NCALD: variants seen among roughly 807,000 people sequenced by gnomAD.
NCALD encodes the protein neurocalcin delta, also known as neurocalcin-delta.
A neutral mutation model predicts 18.6 loss-of-function variants in NCALD; 10 were observed. That is an observed-to-expected ratio of 0.54 (90% confidence interval 0.33 to 0.91). NCALD has a LOEUF of 0.91. NCALD is among the 40% of genes least tolerant of loss of function. The probability of loss-of-function intolerance (pLI) is 0.03; values close to 1 mark genes in which losing one functional copy is unlikely to be tolerated. For synonymous variants in NCALD, 88 were observed against 87.4 expected, an observed-to-expected ratio of 1.01 and a Z score of -0.04; for missense variants, 184 against 247.6, an observed-to-expected ratio of 0.74 and a Z score of 1.72.
chr8:101,767,141 T>C (rs2130871023), intron 1 of NCALD, among the ~76,000 whole-genome samples: 1 of 152,262 alleles, frequency 6.6e-6, no homozygotes, highest in Non-Finnish European at 1.5e-5. Flanking sequence ...ACTTACAATC[T>C]CTGTAAGTTT....
At chr8:101,849,708 A>T (rs1815014221) in intron 4 of NCALD, among the ~76,000 whole-genome samples, 1 of 152,188 alleles carries the variant, frequency 6.6e-6, no homozygotes, top group African/African-American at 2.4e-5. Context: ...CTGTGATGGA[A>T]AGAATCATTC....
chr8:102,049,512 G>C (rs957023199), intron 1 of NCALD, among the ~76,000 whole-genome samples: 1 of 152,156 alleles, frequency 6.6e-6, no homozygotes, highest in African/African-American at 2.4e-5. Context: ...TCATGAGCAG[G>C]CTTTTTAATA....
intron 1 of NCALD, among the ~76,000 whole-genome samples, chr8:101,781,998 A>C (rs1812032877): frequency 7.0e-6 from 1 of 142,834 alleles, no homozygotes; most frequent in African/African-American, 2.7e-5. Flanking sequence ...AACACAACCT[A>C]ATTTTTCATT....
chr8:101,899,464 A>G (rs1439106692), intron 3 of NCALD, among the ~76,000 whole-genome samples: 2 of 151,876 alleles, frequency 1.3e-5, no homozygotes, highest in Non-Finnish European at 2.9e-5. Context: ...TCCTTACCTG[A>G]TCTTATGGAG....
intron 1 of NCALD, among the ~76,000 whole-genome samples, chr8:102,105,283 T>C (rs1825409242): frequency 1.3e-5 from 2 of 152,200 alleles, no homozygotes; most frequent in African/African-American, 4.8e-5. Flanking sequence ...TTTATCACAG[T>C]ATAAAATGAG....
intron 2 of NCALD, among the ~76,000 whole-genome samples, chr8:102,018,570 T>C (rs1276638749): frequency 1.3e-5 from 2 of 152,200 alleles, no homozygotes; most frequent in Non-Finnish European, 2.9e-5. Flanking sequence ...AGATTGTGGT[T>C]GTCAAGGGCT....
At chr8:102,012,006 G>A (rs1821920010) in intron 2 of NCALD, among the ~76,000 whole-genome samples, 1 of 152,156 alleles carries the variant, frequency 6.6e-6, no homozygotes, top group African/African-American at 2.4e-5. Context: ...TCTCATTTCA[G>A]GGAGAAGAAA....
At chr8:102,007,219 G>A (rs918443450) in intron 2 of NCALD, among the ~76,000 whole-genome samples, 1 of 152,168 alleles carries the variant, frequency 6.6e-6, no homozygotes, top group Non-Finnish European at 1.5e-5. Context: ...CTATACCAAT[G>A]TTTATTTATT....
chr8:101,860,542 T>C (rs1188175273), intron 4 of NCALD, among the ~76,000 whole-genome samples: 1 of 152,172 alleles, frequency 6.6e-6, no homozygotes, highest in African/African-American at 2.4e-5. Context: ...CTGTAGCCAT[T>C]GGCAATTAAG....
chr8:101,940,291 A>T (rs560280336), intron 2 of NCALD, among the ~76,000 whole-genome samples: 3 of 152,312 alleles, frequency 2.0e-5, no homozygotes, highest in East Asian at 3.9e-4. Flanking sequence ...TGGGTTAGAT[A>T]TTGATAAGAA....
intron 1 of NCALD, among the ~76,000 whole-genome samples, chr8:102,037,271 T>C (rs1822901073): frequency 6.6e-6 from 1 of 152,180 alleles, no homozygotes; most frequent in South Asian, 2.1e-4. Flanking sequence ...AAGAAAGGCA[T>C]AGAAAAGTTA....
chr8:101,922,687 T>C (rs1036073751), intron 2 of NCALD, among the ~76,000 whole-genome samples: 2 of 152,196 alleles, frequency 1.3e-5, no homozygotes, highest in African/African-American at 4.8e-5. Flanking sequence ...TTGTGCCCTA[T>C]TATCCACAGG....
intron 1 of NCALD, among the ~76,000 whole-genome samples, chr8:102,040,819 C>T (rs921824940): frequency 6.6e-6 from 1 of 152,150 alleles, no homozygotes; most frequent in African/African-American, 2.4e-5. Context: ...CATAACAGAG[C>T]CAGACTCATA....
At chr8:102,039,639 C>T (rs1359719912) in intron 1 of NCALD, among the ~76,000 whole-genome samples, 1 of 152,126 alleles carries the variant, frequency 6.6e-6, no homozygotes, top group Admixed American at 6.6e-5. Context: ...GTTCCTTGAC[C>T]TCTCTGTGCC....
intron 4 of NCALD, among the ~76,000 whole-genome samples, chr8:101,853,708 C>A (rs1815191393): frequency 6.6e-6 from 1 of 152,128 alleles, no homozygotes; most frequent in Non-Finnish European, 1.5e-5. Context: ...AAAGCAATTG[C>A]TGGAGAGTAG....
At chr8:101,926,863 C>T (rs1467050406) in intron 2 of NCALD, among the ~76,000 whole-genome samples, 3 of 152,132 alleles carry the variant, frequency 2.0e-5, no homozygotes, top group Non-Finnish European at 4.4e-5. Flanking sequence ...GGCCACTTTC[C>T]AGGAATGCTT....
chr8:102,121,204 C>T (rs927969769), intron 1 of NCALD, among the ~76,000 whole-genome samples: 5 of 152,124 alleles, frequency 3.3e-5, no homozygotes, highest in East Asian at 1.9e-4. Flanking sequence ...ATATTCTTCT[C>T]CGTGTTTTGT....
chr8:101,896,145 T>C (rs1301553815), intron 3 of NCALD, among the ~76,000 whole-genome samples: 3 of 151,518 alleles, frequency 2.0e-5, no homozygotes, highest in Non-Finnish European at 2.9e-5. Flanking sequence ...CAAAACAGCA[T>C]GGTACTGGTA....
At chr8:102,087,555 G>A (rs1824779639) in intron 1 of NCALD, among the ~76,000 whole-genome samples, 1 of 152,138 alleles carries the variant, frequency 6.6e-6, no homozygotes, top group Non-Finnish European at 1.5e-5. Flanking sequence ...TGGGTTTGAG[G>A]CCCAACTTAA....
Sources: allele counts gnomAD v4.1 joint callset (sites outside exome capture counted in the v4.1 genomes callset), GRCh38; gene constraint gnomAD v4.1.1; transcripts MANE v1.5; gene names NCBI Gene and HGNC (gene_info 2026-07-23, HGNC 2026-07-21).